Variants in PCDHGA1 observed in about 807,000 individuals in gnomAD.
The protein encoded by PCDHGA1 is protocadherin gamma subfamily A, 1.
Under a neutral mutation model 58.0 loss-of-function variants are expected in PCDHGA1, and 32 were observed. The ratio of observed to expected loss-of-function variants is 0.55; its 90% CI spans 0.42 to 0.74. PCDHGA1 has a LOEUF of 0.74. Ranked by LOEUF, PCDHGA1 falls within the 30% of genes least tolerant of loss-of-function variation. PCDHGA1 has a pLI of 0.00. For missense variants in PCDHGA1, 1,205 were observed against 1,182.3 expected, an observed-to-expected ratio of 1.02 and a Z score of -0.28; for synonymous variants, 498 against 501.1, an observed-to-expected ratio of 0.99 and a Z score of 0.08.
At chr5:141,361,456 C>T (rs529112132) in intron 1 of PCDHGA1, 1 of 1,614,034 alleles carries the variant, frequency 6.2e-7, no homozygotes, top group South Asian at 1.1e-5. Context: ...TGTCACCCTG[C>T]ACATCTCCGA....
At position 141,432,782 on chromosome 5, in the gene PCDHGA1, C is replaced by G. The variant is rs547164205; in HGVS notation, c.2422-62025C>G. On this transcript the variant is annotated intron_variant, in intron 1 of 3. Transcript: ENST00000517417. The surrounding 1 kb of genome is among the most constrained non-coding windows in gnomAD (Gnocchi z 6.0). ...CAGCATCCCCCAAGTCCTGGCGGACCTCGGCAGCCTCGAGTCTCCAGCTAA... is the reference window on the plus strand; with the variant it reads ...CAGCATCCCCCAAGTCCTGGCGGACGTCGGCAGCCTCGAGTCTCCAGCTAA... 4.3e-6 allele frequency: 7 copies of G among 1,614,046 alleles called. No individual in the cohort carries two copies. The highest frequency in any genetic ancestry group is 3.3e-4 in the Middle Eastern group (2 of 6,084).
intron 1 of PCDHGA1, chr5:141,357,369 C>A (rs370630847): frequency 1.1e-5 from 18 of 1,614,182 alleles, no homozygotes; most frequent in Non-Finnish European, 1.4e-5. Context: ...ACAAGTCACG[C>A]CTGCTTCACG....
At chr5:141,478,924 T>C (rs1213046748) in intron 1 of PCDHGA1, 10 of 704,004 alleles carry the variant, frequency 1.4e-5, no homozygotes. Context: ...CTCTAACCAG[T>C]GGCAGCTTCT....
intron 1 of PCDHGA1, chr5:141,400,024 G>C (rs2093943300): frequency 6.2e-7 from 1 of 1,612,894 alleles, no homozygotes; most frequent in Non-Finnish European, 8.5e-7. Flanking sequence ...CGACAGGGAC[G>C]CGGCCCGCCA....
chr5:141,431,736 G>T lies in PCDHGA1; in HGVS notation c.2422-63071G>T. On this transcript the variant is annotated intron_variant, in intron 1 of 3. Transcript: ENST00000517417. The surrounding 1 kb of genome is among the most constrained non-coding windows in gnomAD (Gnocchi z 4.8). ...GAAGTGCAAGCAATGGATAATGCAG[G>T]ATATTCTGCGCGAGCCAAAGTCCTG... 1 of 1,614,218 alleles carries T rather than the reference G, an allele frequency of 6.2e-7. No individual in the cohort carries two copies. The highest frequency in any genetic ancestry group is 8.5e-7 in the Non-Finnish European group (1 of 1,180,046).
At chr5:141,341,779 C>T in intron 1 of PCDHGA1, 1 of 345,028 alleles carries the variant, frequency 2.9e-6, no homozygotes, top group Non-Finnish European at 5.2e-6. Context: ...CAAGTCCTTT[C>T]TTCTTTTAAG....
chr5:141,340,664 C>A (rs768925522), intron 1 of PCDHGA1: 12 of 1,614,230 alleles, frequency 7.4e-6, no homozygotes, highest in Non-Finnish European at 1.0e-5. Flanking sequence ...GATCCTGTAC[C>A]CTGCCTTCCC....
Position 141,510,960 on chromosome 5 carries a change from G to C in PCDHGA1, c.2583G>C (p.Gly861=). The change falls in exon 4 of 4, where the codon GGG becomes GGC. Residue 861 remains glycine, a synonymous_variant. Transcript: ENST00000517417. ...CTGTCTCTGCAGAAGCTGCTGATGG[G>C]AGCTCCACCCTGGGAGGGGGTGCCG... The part of the protein sequence containing the change: ...ILASASEAAD[G]SSTLGGGAGT... 1 of 1,614,120 alleles carries C rather than the reference G, an allele frequency of 6.2e-7. No homozygotes were observed. Among genetic ancestry groups the C allele is most frequent in the Non-Finnish European group, 8.5e-7 (1 of 1,180,022 alleles).
At chr5:141,423,632 T>G in intron 1 of PCDHGA1, 1 of 1,602,602 alleles carries the variant, frequency 6.2e-7, no homozygotes, top group Non-Finnish European at 8.5e-7. Flanking sequence ...GCTATCATTT[T>G]AGGCAAATGT....
At chr5:141,376,411 C>T in intron 1 of PCDHGA1, 1 of 1,614,182 alleles carries the variant, frequency 6.2e-7, no homozygotes, top group Non-Finnish European at 8.5e-7. Flanking sequence ...CCAACTATGC[C>T]GACACGCTTA....
In PCDHGA1 at chr5:141,511,286, G is replaced by A. The variant is rs1231704933; in HGVS notation, c.*113G>A. On this transcript the variant is annotated 3_prime_UTR_variant, in exon 4 of 4. Coordinates refer to ENST00000517417, the MANE Select transcript of PCDHGA1 (RefSeq NM_018912.3). The stretch of plus-strand genomic sequence containing the variant: ...GGCTAACCCCCAGAATACTGGTAGG[G>A]GCCAAGGCCATGCTCCCCTTGGGAA... 2 of 1,520,242 alleles carry A rather than the reference G, an allele frequency of 1.3e-6. No individual in the cohort carries two copies. The allele number at this position is 1,520,242 out of a possible 1,614,324, so 94.2% of individuals were successfully genotyped here.
rs376415955 is a variant in PCDHGA1, at chr5:141,432,082, C to T, written c.2422-62725C>T. ...CCACGGAAACTCATATCTCGCTGAACGTGGCAGACACCAACGACAACCCGC... is the reference window on the plus strand; with the variant it reads ...CCACGGAAACTCATATCTCGCTGAATGTGGCAGACACCAACGACAACCCGC... On this transcript the variant is annotated intron_variant, in intron 1 of 3. Transcript: ENST00000517417. This position sits in a 1 kb window ranked among gnomAD's most constrained non-coding sequence, Gnocchi z 6.0. The T allele has an allele frequency of 3.1e-6, 5 of 1,614,184 alleles. No homozygotes were observed. Among genetic ancestry groups the T allele is most frequent in the Non-Finnish European group, 4.2e-6 (5 of 1,180,028 alleles).
chr5:141,366,569 C>A (rs766850721), intron 1 of PCDHGA1: 1 of 1,614,110 alleles, frequency 6.2e-7, no homozygotes, highest in Non-Finnish European at 8.5e-7. Context: ...GGATGGGGTT[C>A]GGGCTTTCCT....
At chr5:141,414,081 T>C (rs748527220) in intron 1 of PCDHGA1, 1 of 1,601,774 alleles carries the variant, frequency 6.2e-7, no homozygotes, top group South Asian at 1.1e-5. Flanking sequence ...ACAAATATAC[T>C]GGAGAAATAA....
intron 1 of PCDHGA1, among the ~76,000 whole-genome samples, chr5:141,449,616 G>A (rs1279953840): frequency 1.6e-4 from 24 of 146,738 alleles, no homozygotes; most frequent in Non-Finnish European, 2.3e-4. Flanking sequence ...AAGTAAAAAA[G>A]TTTTTTAAAA....
At chr5:141,495,652 T>C (rs1403816239) in intron 2 of PCDHGA1, among the ~76,000 whole-genome samples, 2 of 152,336 alleles carry the variant, frequency 1.3e-5, no homozygotes, top group Admixed American at 6.5e-5. Context: ...CTACTTGCAT[T>C]GATCTGTGCC....
chr5:141,417,785 A>C (rs1273908599), intron 1 of PCDHGA1: 22 of 1,476,018 alleles, frequency 1.5e-5, no homozygotes, highest in Non-Finnish European at 1.7e-5. Context: ...TCCTGGGCCG[A>C]ATGCTCTTTT....
chr5:141,405,320 C>G, intron 1 of PCDHGA1: 1 of 1,614,188 alleles, frequency 6.2e-7, no homozygotes, highest in Non-Finnish European at 8.5e-7. Context: ...GAAAAATGAG[C>G]CTTTGTGCGT....
intron 1 of PCDHGA1, chr5:141,389,455 G>A (rs1345301697): frequency 6.2e-7 from 1 of 1,613,044 alleles, no homozygotes; most frequent in Admixed American, 1.7e-5. Context: ...GAGCAGCTGC[G>A]CGCCTTCGAA....
Sources: gnomAD v4.1 joint callset for allele counts (sites outside exome capture counted in the v4.1 genomes callset) on GRCh38, gnomAD v4.1.1 for gene constraint, Gnocchi (gnomAD v3.1) non-coding constraint, MANE v1.5 for transcripts, NCBI Gene and HGNC (gene_info 2026-07-23, HGNC 2026-07-21) for gene names.